PCDH15: variants seen among roughly 807,000 people sequenced by gnomAD.
The protein encoded by PCDH15 is protocadherin-15.
In PCDH15, 129 loss-of-function variants were observed where a neutral mutation model predicts 178.5. The ratio of observed to expected loss-of-function variants is 0.72; its 90% CI spans 0.63 to 0.84. The LOEUF is 0.84. Among genes scored for constraint, PCDH15 ranks in the 40% least tolerant of loss-of-function variants. The pLI, the probability that PCDH15 is intolerant of heterozygous loss-of-function variation, is 0.00. For missense variants in PCDH15, 2,230 were observed against 2,099.9 expected (o/e 1.06, Z -1.21); for synonymous variants, 800 against 732.0 (o/e 1.09, Z -1.50).
At position 53,975,537 on chromosome 10, in the gene PCDH15, G is replaced by A. The variant is rs535007503; in HGVS notation, c.2869-13645C>T. The stretch of plus-strand genomic sequence containing the variant: ...TTGTGTTTCTCTGATTATTAGTGAT[G>A]AACATTTTTTCTTATGTTTGTTAGT... On this transcript the variant is annotated intron_variant, in intron 21 of 37. Transcript: ENST00000644397. Among the ~76,000 whole-genome samples the A allele has an allele frequency of 7.8e-4, 119 of 152,206 alleles. 3 individuals carry two copies. The highest frequency in any genetic ancestry group is 4.0e-4 in the Non-Finnish European group (27 of 68,010).
At chr10:54,803,433 G>A (rs1952724296), upstream of PCDH15, among the ~76,000 whole-genome samples, 1 of 152,170 alleles carries the variant, frequency 6.6e-6, no homozygotes, top group Non-Finnish European at 1.5e-5. Context: ...GAGTTAAGGT[G>A]GCTGGGGAGG....
At chr10:53,929,609 G>A (rs2084864384) in intron 25 of PCDH15, among the ~76,000 whole-genome samples, 1 of 152,132 alleles carries the variant, frequency 6.6e-6, no homozygotes, top group East Asian at 1.9e-4. Flanking sequence ...CATAGGTAAA[G>A]AGTCATTAGC....
intron 1 of PCDH15, among the ~76,000 whole-genome samples, chr10:54,711,926 G>A (rs1282321400): frequency 2.0e-5 from 3 of 151,792 alleles, no homozygotes; most frequent in African/African-American, 7.2e-5. Context: ...TTAACTTCCA[G>A]ATATGTCATA....
At chr10:53,888,199 T>C (rs2133423501) in intron 26 of PCDH15, among the ~76,000 whole-genome samples, 1 of 149,672 alleles carries the variant, frequency 6.7e-6, no homozygotes, top group South Asian at 2.1e-4. Context: ...CAAAAATATG[T>C]TCACCTCTGC....
chr10:54,449,244 TTTAGTAGGTAA>T lies in PCDH15; in HGVS notation c.158-70313_158-70303del, dbSNP rs1197930233. ...CTTTTTGTTGTGGATTATTTTGCCCTTTAGTAGGTAATAATACCATGTAAGTAATAAATTTG... is the reference window on the plus strand; with the variant it reads ...CTTTTTGTTGTGGATTATTTTGCCCTTAATACCATGTAAGTAATAAATTTG... On this transcript the variant is annotated intron_variant, in intron 3 of 37. Coordinates refer to ENST00000644397, the MANE Select transcript of PCDH15 (RefSeq NM_001384140.1). Among the ~76,000 whole-genome samples, 7 of 151,926 alleles carry T rather than the reference TTTAGTAGGTAA, an allele frequency of 4.6e-5. 1 individual carries two copies. The highest frequency in any genetic ancestry group is 6.8e-3 in the Middle Eastern group (2 of 294).
chr10:54,529,419 T>G (rs1234880752), intron 2 of PCDH15, among the ~76,000 whole-genome samples: 1 of 152,076 alleles, frequency 6.6e-6, no homozygotes, highest in African/African-American at 2.4e-5. Flanking sequence ...ATTCCTTTCA[T>G]GAGAATGATT....
intron 13 of PCDH15, among the ~76,000 whole-genome samples, chr10:54,178,908 T>A (rs1037741235): frequency 4.6e-5 from 7 of 151,948 alleles, no homozygotes; most frequent in African/African-American, 1.7e-4. Context: ...CATTAAAAAG[T>A]CAGGAAACAA....
chr10:54,381,380 A>G (rs1949217171), intron 3 of PCDH15, among the ~76,000 whole-genome samples: 2 of 152,070 alleles, frequency 1.3e-5, no homozygotes, highest in Non-Finnish European at 2.9e-5. Context: ...AGTGTTCTAG[A>G]CAATATTGGC....
chr10:54,241,041 T>G, intron 8 of PCDH15, among the ~76,000 whole-genome samples: 1 of 152,170 alleles, frequency 6.6e-6, no homozygotes, highest in East Asian at 1.9e-4. Flanking sequence ...AAATAGCAGA[T>G]ATTTAACATA....
At chr10:55,494,209 G>A (rs895681176) in intron 2 of PCDH15, among the ~76,000 whole-genome samples, 5 of 151,350 alleles carry the variant, frequency 3.3e-5, no homozygotes, top group African/African-American at 1.2e-4. Flanking sequence ...ATAAAAGTAG[G>A]GTATGAAGAT....
rs527318165 is a variant in PCDH15, at chr10:54,583,256, A to T, written c.92-55379T>A. Among the ~76,000 whole-genome samples the T allele has an allele frequency of 4.9e-4, 75 of 152,272 alleles. 2 individuals carry two copies. Among genetic ancestry groups the T allele is most frequent in the Non-Finnish European group, 2.6e-4 (18 of 68,006 alleles). The stretch of plus-strand genomic sequence containing the variant: ...AATATTTTATCCATGCAATTAACAA[A>T]TTTAATCCAATGGCTATAAAATATA... On this transcript the variant is annotated intron_variant, in intron 2 of 37. Coordinates refer to ENST00000644397, the MANE Select transcript of PCDH15 (RefSeq NM_001384140.1).
At chr10:54,016,874 A>G (rs2092757412) in intron 20 of PCDH15, among the ~76,000 whole-genome samples, 1 of 152,122 alleles carries the variant, frequency 6.6e-6, no homozygotes, top group Non-Finnish European at 1.5e-5. Context: ...GTATCTATGA[A>G]CCTAAATTAA....
chr10:53,853,286 T>C (rs539453022), intron 28 of PCDH15, among the ~76,000 whole-genome samples: 27 of 152,052 alleles, frequency 1.8e-4, no homozygotes, highest in African/African-American at 6.5e-4. Context: ...ATTAAAGATC[T>C]AAATATAAGA....
At chr10:53,931,116 T>C (rs1472035538) in intron 25 of PCDH15, among the ~76,000 whole-genome samples, 1 of 152,150 alleles carries the variant, frequency 6.6e-6, no homozygotes, top group Non-Finnish European at 1.5e-5. Context: ...TCTAACTGAA[T>C]TGAAGAGAGA....
At chr10:55,316,772 T>A (rs1355374404) in intron 1 of PCDH15, among the ~76,000 whole-genome samples, 2 of 152,206 alleles carry the variant, frequency 1.3e-5, no homozygotes, top group Admixed American at 6.5e-5. Flanking sequence ...TTATTCATAA[T>A]GTTATTTTGA....
intron 18 of PCDH15, among the ~76,000 whole-genome samples, chr10:54,059,141 A>G (rs1306925167): frequency 1.3e-5 from 2 of 152,216 alleles, no homozygotes; most frequent in Non-Finnish European, 2.9e-5. Context: ...CCTATGAGTG[A>G]GGACATGTGA....
intron 3 of PCDH15, among the ~76,000 whole-genome samples, chr10:54,892,091 A>T (rs1336486599): frequency 6.6e-6 from 1 of 152,088 alleles, no homozygotes; most frequent in Non-Finnish European, 1.5e-5. Flanking sequence ...ACACCCCCAG[A>T]CGCTACTTTA....
intron 1 of PCDH15, chr10:55,247,792 T>C (rs1027782120): frequency 6.6e-6 from 1 of 151,578 alleles, no homozygotes; most frequent in Non-Finnish European, 1.5e-5. Flanking sequence ...TCCCAGCTAC[T>C]TGAGAGGCTG....
At chr10:54,644,821 G>A (rs988738498) in intron 2 of PCDH15, among the ~76,000 whole-genome samples, 1 of 152,108 alleles carries the variant, frequency 6.6e-6, no homozygotes, top group African/African-American at 2.4e-5. Context: ...ATTATGTCAT[G>A]AGGGCTGTGC....
Sources: allele counts gnomAD v4.1 joint callset (sites outside exome capture counted in the v4.1 genomes callset), GRCh38; gene constraint gnomAD v4.1.1; transcripts MANE v1.5; gene names NCBI Gene and HGNC (gene_info 2026-07-23, HGNC 2026-07-21).